The following SDK1 variants were observed in gnomAD, a reference collection of about 807,000 sequenced individuals.
The protein encoded by SDK1 is sidekick cell adhesion molecule 1, also known as protein sidekick-1.
A neutral mutation model predicts 245.5 loss-of-function variants in SDK1; 157 were observed. The ratio of observed to expected loss-of-function variants is 0.64; its 90% CI spans 0.56 to 0.73. The LOEUF is 0.73. SDK1 is among the 30% of genes least tolerant of loss of function. SDK1 has a pLI of 0.00. For missense variants in SDK1, 3,583 were observed against 3,002.3 expected, an observed-to-expected ratio of 1.19 and a Z score of -4.52; for synonymous variants, 1,647 against 1,278.5, an observed-to-expected ratio of 1.29 and a Z score of -6.15.
intron 4 of SDK1, among the ~76,000 whole-genome samples, chr7:3,699,500 C>T (rs185767169): frequency 7.0e-4 from 106 of 152,214 alleles, no homozygotes; most frequent in South Asian, 2.5e-3. Flanking sequence ...TTCAATTAAT[C>T]TTGATGATGT....
intron 4 of SDK1, among the ~76,000 whole-genome samples, chr7:3,797,458 TACACACACACACACACAC>T (rs34376723): frequency 1.4e-5 from 2 of 147,492 alleles, no homozygotes; most frequent in African/African-American, 2.5e-5. Flanking sequence ...GGGGTGTGTA[TACACACACACACACACAC>T]ACACACACAC....
intron 5 of SDK1, among the ~76,000 whole-genome samples, chr7:3,915,895 T>G (rs4723270): frequency 0.26 from 39,350 of 152,176 alleles, 5,524 homozygotes; most frequent in Middle Eastern, 0.37. Flanking sequence ...AACTACAGTT[T>G]ATTTGATCAT....
intron 2 of SDK1, among the ~76,000 whole-genome samples, chr7:3,635,091 C>T (rs1240924129): frequency 6.6e-6 from 1 of 152,192 alleles, no homozygotes; most frequent in Non-Finnish European, 1.5e-5. Flanking sequence ...CTGTTGTAAT[C>T]ACAGCATGTA....
At chr7:3,542,423 T>G (rs1411800776) in intron 1 of SDK1, among the ~76,000 whole-genome samples, 2 of 152,126 alleles carry the variant, frequency 1.3e-5, no homozygotes, top group African/African-American at 4.8e-5. Context: ...TGGTGTGGCC[T>G]TTTCTCCCAG....
At chr7:3,763,033 G>A (rs1780152105) in intron 4 of SDK1, among the ~76,000 whole-genome samples, 1 of 152,006 alleles carries the variant, frequency 6.6e-6, no homozygotes, top group Non-Finnish European at 1.5e-5. Flanking sequence ...AATTTTCTGG[G>A]ATCCTTTTTC....
intron 5 of SDK1, among the ~76,000 whole-genome samples, chr7:3,934,578 T>G (rs1780091291): frequency 6.6e-6 from 1 of 152,214 alleles, no homozygotes; most frequent in African/African-American, 2.4e-5. Flanking sequence ...AAAGTTACAC[T>G]TATGCAATTT....
intron 5 of SDK1, among the ~76,000 whole-genome samples, chr7:3,858,161 A>G (rs896206440): frequency 6.6e-6 from 1 of 152,260 alleles, no homozygotes; most frequent in African/African-American, 2.4e-5. Flanking sequence ...AAATTTGTAC[A>G]TATGAGAATG....
chr7:3,589,207 T>A (rs944333291), intron 1 of SDK1, among the ~76,000 whole-genome samples: 7 of 152,192 alleles, frequency 4.6e-5, no homozygotes, highest in African/African-American at 1.7e-4. Context: ...TTGGTACTGA[T>A]CTCACAGTTG....
intron 1 of SDK1, among the ~76,000 whole-genome samples, chr7:3,312,065 T>G (rs910077996): frequency 1.3e-5 from 2 of 152,142 alleles, no homozygotes; most frequent in Non-Finnish European, 2.9e-5. Context: ...TTTGGGAAAG[T>G]GTAGGAAACT....
chr7:3,464,983 A>G (rs1660346177), intron 1 of SDK1, among the ~76,000 whole-genome samples: 1 of 152,148 alleles, frequency 6.6e-6, no homozygotes, highest in African/African-American at 2.4e-5. Flanking sequence ...CGTGCTGCTA[A>G]GGCTAACATT....
intron 13 of SDK1, among the ~76,000 whole-genome samples, chr7:3,978,159 A>C (rs1427976645): frequency 6.6e-6 from 1 of 151,948 alleles, no homozygotes; most frequent in Non-Finnish European, 1.5e-5. Flanking sequence ...TGTATTATGC[A>C]CATTTTTAAA....
chr7:3,979,058 G>T (rs1783193806), intron 13 of SDK1, among the ~76,000 whole-genome samples: 1 of 152,216 alleles, frequency 6.6e-6, no homozygotes, highest in Non-Finnish European at 1.5e-5. Context: ...GTCCTGATGG[G>T]GCTGCTGGAC....
Position 4,115,397 on chromosome 7 carries a change from G to T in SDK1, c.3823+1123G>T, listed in dbSNP as rs545921176. 1.1e-4 allele frequency among the ~76,000 whole-genome samples: 17 copies of T among 152,310 alleles called. No individual in the cohort carries two copies. The South Asian group carries it at 3.3e-3, about 30-fold the overall frequency. On this transcript the variant is annotated intron_variant, in intron 25 of 44. Transcript: ENST00000404826. ...AGGGTTGAGATGGTGAACTGGGTCA[G>T]TGGCCAGAGGAAAAGAACAAGACTC... is the stretch of plus-strand genomic sequence containing the variant.
At chr7:3,482,394 A>C (rs1781547393) in intron 1 of SDK1, among the ~76,000 whole-genome samples, 1 of 152,142 alleles carries the variant, frequency 6.6e-6, no homozygotes. Flanking sequence ...TGATGGCTGC[A>C]TGGGACTCCG....
rs568282017 is a variant in SDK1 at position 3,554,428 on chromosome 7, G to T, written c.299-64652G>T. Among the ~76,000 whole-genome samples the T allele has an allele frequency of 8.6e-5, 13 of 151,070 alleles. No individual in the cohort carries two copies. The East Asian group carries it at 2.3e-3, about 27-fold the overall frequency. ...AAACAGAACATACCAAAATATTTGG[G>T]ACGCAGGTAAAGCAGTTCTGAGAGT... On this transcript the variant is annotated intron_variant, in intron 1 of 44. Coordinates refer to ENST00000404826, the MANE Select transcript of SDK1 (RefSeq NM_152744.4).
At chr7:4,067,541 G>A (rs1159688390) in intron 19 of SDK1, among the ~76,000 whole-genome samples, 4 of 152,210 alleles carry the variant, frequency 2.6e-5, no homozygotes, top group Non-Finnish European at 5.9e-5. Flanking sequence ...CAGCCTGATT[G>A]TTCTAATCAG....
chr7:3,583,968 C>G (rs926534630), intron 1 of SDK1, among the ~76,000 whole-genome samples: 3 of 152,096 alleles, frequency 2.0e-5, no homozygotes, highest in Admixed American at 6.5e-5. Context: ...GGCTGGAACC[C>G]CAGTTTGGGG....
chr7:3,451,145 G>A (rs906591603), intron 1 of SDK1, among the ~76,000 whole-genome samples: 4 of 152,114 alleles, frequency 2.6e-5, no homozygotes, highest in African/African-American at 4.8e-5. Context: ...AGGGCTGAGC[G>A]AGGGTGTGGG....
Position 3,578,880 on chromosome 7 carries a change from C to T in SDK1, c.299-40200C>T, listed in dbSNP as rs143234373. 2.6e-3 allele frequency among the ~76,000 whole-genome samples: 396 copies of T among 151,918 alleles called. 4 individuals are homozygous for T. The highest frequency in any genetic ancestry group is 9.4e-3 in the African/African-American group (389 of 41,468). ...ACACATGTTTTACAATCATTTTATA[C>T]AGTTAACCCAATCAAAGTGGACCTG... On this transcript the variant is annotated intron_variant, in intron 1 of 44. Coordinates refer to ENST00000404826, the MANE Select transcript of SDK1 (RefSeq NM_152744.4).
Sources: allele counts gnomAD v4.1 joint callset (sites outside exome capture counted in the v4.1 genomes callset), GRCh38; gene constraint gnomAD v4.1.1; transcripts MANE v1.5; gene names NCBI Gene and HGNC (gene_info 2026-07-23, HGNC 2026-07-21).